The following MICAL1 variants were observed in gnomAD, a reference collection of about 807,000 sequenced individuals.
The protein encoded by MICAL1 is microtubule associated monooxygenase, calponin and LIM domain containing 1.
In MICAL1, 95 loss-of-function variants were observed where a neutral mutation model predicts 131.8. That is an observed-to-expected ratio of 0.72 (90% CI 0.61 to 0.86). The LOEUF (loss-of-function observed/expected upper bound fraction) is 0.86. MICAL1 is among the 40% of genes least tolerant of loss of function. MICAL1 has a pLI of 0.00. For synonymous variants in MICAL1, 546 were observed against 554.2 expected (o/e 0.99, Z 0.21); for missense variants, 1,292 against 1,380.6 (o/e 0.94, Z 1.02).
Position 109,446,191 on chromosome 6 carries a change from G to C in MICAL1, c.2526C>G (p.Arg842=), listed in dbSNP as rs772311721. The C allele has an allele frequency of 1.3e-6, 2 of 1,587,450 alleles. No homozygotes were observed. Among genetic ancestry groups the C allele is most frequent in the East Asian group, 4.5e-5 (2 of 44,674 alleles). ...CCACAAAGCTGCTCTCCAGGGCGTG[G>C]CGGGCCAAGGCGGAGCAGCTGCGGG... The part of the protein sequence containing the change: ...KPPRSCSALA[R]HALESSFVGW... The change falls in exon 19 of 25, where the codon CGC becomes CGG. Residue 842 remains arginine, a synonymous_variant. Coordinates refer to ENST00000358807, the MANE Select transcript of MICAL1 (RefSeq NM_022765.4).
At chr6:109,452,155 C>T (rs1403999123) in intron 6 of MICAL1, 91 bp downstream of exon 6, 1 of 1,521,000 alleles carries the variant, frequency 6.6e-7, no homozygotes, top group African/African-American at 1.4e-5. Flanking sequence ...GTGTGGAGTT[C>T]CTTGCAGTGA....
chr6:109,445,246 C>T lies in MICAL1; in HGVS notation c.2832G>A (p.Glu944=). ...CCAGCTTCACGCCCTCGGCCTCTAG[C>T]TCCCTCAAGGCAGCCTCAATCTCAT... ...RLNEIEAALR[E]LEAEGVKLEL... Residue 944 remains glutamate (E), a synonymous_variant, in exon 22 of 25, where the codon GAG becomes GAA. Transcript: ENST00000358807. 1 of 1,614,116 alleles carries T rather than the reference C, an allele frequency of 6.2e-7. No individual in the cohort carries two copies. The highest frequency in any genetic ancestry group is 8.5e-7 in the Non-Finnish European group (1 of 1,180,046).
At position 109,446,158 on chromosome 6, in the gene MICAL1, G is replaced by A. The variant is rs1775204588; in HGVS notation, c.2559C>T (p.Gly853=). 6.4e-7 allele frequency: 1 copy of A among 1,558,802 alleles called. No individual in the cohort carries two copies. Among genetic ancestry groups the A allele is most frequent in the South Asian group, 1.2e-5 (1 of 82,068 alleles). The change falls in exon 19 of 25, where the codon GGC becomes GGT. Residue 853 remains glycine (G), a synonymous_variant. Transcript: ENST00000358807. ...TACCTTGAGGGCTCTGGACTGGCAG[G>A]CCCCAGCCCACAAAGCTGCTCTCCA... is the stretch of plus-strand genomic sequence containing the variant. ...HALESSFVGW[G]LPVQSPQALV...
chr6:109,451,196 G>A (rs145121381), intron 7 of MICAL1, among the ~76,000 whole-genome samples: 1,696 of 148,200 alleles, frequency 0.011, 40 homozygotes, highest in African/African-American at 0.04. Context: ...CTTTGTTGCC[G>A]AGGCTGGAGT....
At chr6:109,456,192 G>C (rs1262847833), upstream of MICAL1, among the ~76,000 whole-genome samples, 1 of 152,192 alleles carries the variant, frequency 6.6e-6, no homozygotes, top group East Asian at 1.9e-4. Context: ...CGCAAGGCGA[G>C]GACCACCCGC....
intron 24 of MICAL1, 120 bp downstream of exon 24, chr6:109,444,605 C>A (rs1348748306): frequency 7.8e-7 from 1 of 1,285,736 alleles, no homozygotes; most frequent in East Asian, 2.3e-5. Flanking sequence ...CTGGCTTCCT[C>A]CTGAATTGTC....
chr6:109,460,523 T>TACACACACAC (rs113472586), upstream of MICAL1, among the ~76,000 whole-genome samples: 8,947 of 147,690 alleles, frequency 0.061, 355 homozygotes, highest in East Asian at 0.18. Flanking sequence ...TATATATAAA[T>TACACACACAC]ACACACACAC....
In MICAL1 at chr6:109,445,786, G is replaced by A; in HGVS notation, c.2658C>T (p.Asp886=). ...GCCCACTCACCTGTTCCACATCTGA[G>A]TCCAAAGGCACATCTTCTTCTTCCT... The part of the protein sequence containing the change: ...SEEEEEDVPL[D]SDVEQALQTF... Residue 886 remains aspartate (D), a synonymous_variant, in exon 20 of 25, where the codon GAC becomes GAT. Transcript: ENST00000358807. 3 of 1,611,538 alleles carry A rather than the reference G, an allele frequency of 1.9e-6. No individual in the cohort carries two copies. Among genetic ancestry groups the A allele is most frequent in the Non-Finnish European group, 2.5e-6 (3 of 1,179,052 alleles).
upstream of MICAL1, among the ~76,000 whole-genome samples, chr6:109,458,020 C>T (rs1342917679): frequency 6.6e-6 from 1 of 151,832 alleles, no homozygotes; most frequent in African/African-American, 2.4e-5. Context: ...ATTACTCAGC[C>T]TTCTCAGCCC....
intron 1 of MICAL1, 140 bp from the exon 2 acceptor site, chr6:109,454,379 CCTGCCAGCATCTGCTCCAGAGACAG>C: frequency 1.1e-6 from 1 of 890,060 alleles, no homozygotes; most frequent in African/African-American, 1.7e-5. Context: ...AGCCCATTCC[CCTGCCAGCATCTGCTCCAGAGACAG>C]CTGCTATCCA....
chr6:109,444,712 A>C lies in MICAL1; in HGVS notation c.3055+13T>G. On this transcript the variant is annotated intron_variant, in intron 24 of 24. Transcript: ENST00000358807. Reference sequence around the variant, plus strand: ...CCCTGGGATGTGTCTGCTTCTCCCCACATTTCACCTACCTTCCCGGTTCAT... The same window carrying C: ...CCCTGGGATGTGTCTGCTTCTCCCCCCATTTCACCTACCTTCCCGGTTCAT... 1 of 1,613,864 alleles carries C rather than the reference A, an allele frequency of 6.2e-7. No homozygotes were observed. Among genetic ancestry groups the C allele is most frequent in the Non-Finnish European group, 8.5e-7 (1 of 1,179,940 alleles).
chr6:109,445,611 C>T, intron 20 of MICAL1, 82 bp from the exon 21 acceptor site: 2 of 1,565,744 alleles, frequency 1.3e-6, no homozygotes, highest in Non-Finnish European at 1.8e-6. Context: ...CAGAAAATAA[C>T]CCGTGCTGAA....
intron 7 of MICAL1, among the ~76,000 whole-genome samples, chr6:109,451,060 C>G (rs1775519274): frequency 6.6e-6 from 1 of 152,090 alleles, no homozygotes; most frequent in Admixed American, 6.5e-5. Context: ...GAAATGCCTG[C>G]CCTCATGGAG....
chr6:109,455,603 T>C lies in MICAL1; in HGVS notation c.-44+116A>G. The C allele has an allele frequency of 1.4e-6, 1 of 697,248 alleles. No individual in the cohort carries two copies. Among genetic ancestry groups the C allele is most frequent in the Non-Finnish European group, 1.8e-6 (1 of 565,960 alleles). 43.2% of individuals were successfully genotyped at this position (697,248 alleles called of 1,614,324 possible). ...AGCAGGGCTGGGCTGAGGGAAGACC[T>C]GCCTGACCTGCCAGGCGTGGTTCCC... On this transcript the variant is annotated intron_variant, in intron 1 of 24. Transcript: ENST00000358807. The surrounding 1 kb of genome is among the most constrained non-coding windows in gnomAD (Gnocchi z 4.7).
chr6:109,454,896 G>C (rs1775684540), intron 1 of MICAL1: 1 of 152,610 alleles, frequency 6.6e-6, no homozygotes. Flanking sequence ...ACTGACTGGG[G>C]AACGGAGGCC....
At position 109,452,588 on chromosome 6, in the gene MICAL1, G is replaced by C. The variant is rs760813009; in HGVS notation, c.599C>G (p.Pro200Arg). 5 of 1,613,140 alleles carry C rather than the reference G, an allele frequency of 3.1e-6. No individual in the cohort carries two copies. The highest frequency in any genetic ancestry group is 1.8e-4 in the Middle Eastern group (1 of 5,710). ...GTTGGCCAGCTGGGCAGGGGGGTTG[G>C]GTTGGAGCTGGGCACGCCAGCCACT... ...KGSGWRAQLQ[P>R]NPPAQLANYE... Residue 200 changes from proline to arginine, a missense_variant, in exon 5 of 25, where the codon CCC (proline) becomes CGC (arginine). By Grantham distance (103) the Pro-to-Arg change is moderately radical. Transcript: ENST00000358807.
rs755953337 is a variant in MICAL1 at position 109,454,193 on chromosome 6, C to A, written c.4G>T (p.Ala2Ser). 1.9e-6 allele frequency: 3 copies of A among 1,596,144 alleles called. No individual in the cohort carries two copies. Among genetic ancestry groups the A allele is most frequent in the Non-Finnish European group, 2.6e-6 (3 of 1,171,468 alleles). Residue 2 changes from alanine to serine, a missense_variant, in exon 2 of 25, where the codon GCT becomes TCT. By Grantham distance (99) the Ala-to-Ser change is moderately conservative. Transcript: ENST00000358807. The stretch of plus-strand genomic sequence containing the variant: ...GCTGGGTTGGTGGAGGTAGGTGAAG[C>A]CATGGAGGCCTCCTGGGGAGGGCAG... Reference protein sequence around the residue: MASPTSTNPAHA... With the variant: MSSPTSTNPAHA...
In MICAL1 at chr6:109,455,578, A is replaced by G; in HGVS notation, c.-44+141T>C. ...GACGGCAAAGTCCGGACGCGGCGTG[A>G]GCAGGGCTGGGCTGAGGGAAGACCT... On this transcript the variant is annotated intron_variant, in intron 1 of 24. Coordinates refer to ENST00000358807, the MANE Select transcript of MICAL1 (RefSeq NM_022765.4). The surrounding 1 kb of genome is among the most constrained non-coding windows in gnomAD (Gnocchi z 4.7). The G allele has an allele frequency of 3.9e-6, 2 of 513,164 alleles. No homozygotes were observed. The highest frequency in any genetic ancestry group is 5.0e-6 in the Non-Finnish European group (2 of 397,630). The allele number at this position is 513,164 out of a possible 1,614,324, so 31.8% of individuals were successfully genotyped here.
At chr6:109,458,633 G>A (rs1775815016), upstream of MICAL1, among the ~76,000 whole-genome samples, 1 of 152,154 alleles carries the variant, frequency 6.6e-6, no homozygotes, top group African/African-American at 2.4e-5. Context: ...TAATGTTTTT[G>A]CAAACGGTAA....
Sources: allele counts gnomAD v4.1 joint callset (sites outside exome capture counted in the v4.1 genomes callset), GRCh38; gene constraint gnomAD v4.1.1; non-coding constraint Gnocchi (gnomAD v3.1); transcripts MANE v1.5; gene names NCBI Gene and HGNC (gene_info 2026-07-23, HGNC 2026-07-21).